VRTN: variants seen among roughly 807,000 people sequenced by gnomAD.
The protein encoded by VRTN is vertebrae development associated.
Under a neutral mutation model 18.2 loss-of-function variants are expected in VRTN, and 5 were observed. The observed-to-expected ratio is 0.27, with a 90% confidence interval of 0.14 to 0.58. The LOEUF is 0.58. Ranked by LOEUF, VRTN falls within the 20% of genes least tolerant of loss-of-function variation. The probability of loss-of-function intolerance (pLI) is 0.91; values close to 1 mark genes in which losing one functional copy is unlikely to be tolerated. For missense variants in VRTN, 741 were observed against 939.4 expected (o/e 0.79, Z 2.76); for synonymous variants, 381 against 393.7 (o/e 0.97, Z 0.38).
intron 1 of VRTN, among the ~76,000 whole-genome samples, chr14:74,328,173 A>G (rs1264169171): frequency 6.6e-6 from 1 of 152,128 alleles, no homozygotes; most frequent in Non-Finnish European, 1.5e-5. Context: ...GAGCCAATAT[A>G]TCAAAAGGTA....
At chr14:74,324,083 G>T (rs2085472242) in intron 1 of VRTN, among the ~76,000 whole-genome samples, 1 of 152,022 alleles carries the variant, frequency 6.6e-6, no homozygotes, top group African/African-American at 2.4e-5. Flanking sequence ...CACATGGTAA[G>T]TGCCCAGTAA....
At chr14:74,326,733 G>A (rs530776089) in intron 1 of VRTN, among the ~76,000 whole-genome samples, 5 of 152,120 alleles carry the variant, frequency 3.3e-5, no homozygotes, top group African/African-American at 1.2e-4. Flanking sequence ...AGCTGGAGCC[G>A]AGCTCCACAC....
Position 74,357,811 on chromosome 14 carries a change from C to T in VRTN, c.1028C>T (p.Ser343Phe), listed in dbSNP as rs1352681808. Residue 343 changes from serine to phenylalanine, a missense_variant, in exon 2 of 2, where the codon TCC becomes TTC. Physicochemically the swap from Ser to Phe is radical, Grantham distance 155. Coordinates refer to ENST00000256362, the MANE Select transcript of VRTN (RefSeq NM_018228.3). The surrounding 1 kb of genome is among the most constrained non-coding windows in gnomAD (Gnocchi z 7.8). Reference protein sequence around the residue: ...QQFLQRFPEISRSTYYAWKHE... With the variant: ...QQFLQRFPEIFRSTYYAWKHE... ...TTCCTCCAGCGGTTCCCGGAGATCT[C>T]CCGCTCAACCTACTATGCCTGGAAG... 6.2e-7 allele frequency: 1 copy of T among 1,613,290 alleles called. No individual in the cohort carries two copies.
intron 1 of VRTN, among the ~76,000 whole-genome samples, chr14:74,332,335 GTTTTTTTTTTTTTTTTTTTTTTTT>G (rs67857502): frequency 6.6e-4 from 26 of 39,588 alleles, no homozygotes; most frequent in East Asian, 8.3e-4. Context: ...CTCCTAATCT[GTTTTTTTTTTTTTTTTTTTTTTTT>G]TTTTTTTTTT....
At chr14:74,352,242 G>A (rs560014204) in intron 1 of VRTN, among the ~76,000 whole-genome samples, 21 of 151,702 alleles carry the variant, frequency 1.4e-4, no homozygotes, top group Admixed American at 7.9e-4. Flanking sequence ...TGCGGTGGGC[G>A]ATCTCGGCTC....
chr14:74,355,566 G>C (rs552304062), intron 1 of VRTN, among the ~76,000 whole-genome samples: 2 of 151,750 alleles, frequency 1.3e-5, no homozygotes, highest in Non-Finnish European at 2.9e-5. Flanking sequence ...ACAGAGTCTC[G>C]GTCTGTCACC....
rs1456240008 is a variant in VRTN, at chr14:74,358,391, G to A, written c.1608G>A (p.Leu536=). 2 of 1,613,966 alleles carry A rather than the reference G, an allele frequency of 1.2e-6. No individual in the cohort carries two copies. The highest frequency in any genetic ancestry group is 1.7e-6 in the Non-Finnish European group (2 of 1,180,048). ...FCRFRLRYPS[L]SPSAFWVWKS... The stretch of plus-strand genomic sequence containing the variant: ...GCTTCCGCCTCCGCTACCCCAGCCT[G>A]TCACCTTCTGCCTTTTGGGTCTGGA... Residue 536 remains leucine, a synonymous_variant, in exon 2 of 2, where the codon CTG becomes CTA. Coordinates refer to ENST00000256362, the MANE Select transcript of VRTN (RefSeq NM_018228.3). The surrounding 1 kb of genome is among the most constrained non-coding windows in gnomAD (Gnocchi z 5.4).
chr14:74,355,699 T>G (rs1013638984), intron 1 of VRTN, among the ~76,000 whole-genome samples: 8 of 152,004 alleles, frequency 5.3e-5, no homozygotes, highest in Non-Finnish European at 8.8e-5. Context: ...CATGCCTGGC[T>G]AACTTTTTTT....
chr14:74,354,203 T>G (rs2085707306), intron 1 of VRTN, among the ~76,000 whole-genome samples: 1 of 152,240 alleles, frequency 6.6e-6, no homozygotes, highest in African/African-American at 2.4e-5. Flanking sequence ...TTTGATATAT[T>G]GTTTTGGTGG....
At chr14:74,342,607 C>G (rs758425572) in intron 2 of VRTN, among the ~76,000 whole-genome samples, 1 of 150,058 alleles carries the variant, frequency 6.7e-6, no homozygotes, top group Non-Finnish European at 1.5e-5. Context: ...GGAAAATGGG[C>G]AAAGGATATT....
rs2085658593 is a variant in VRTN, at chr14:74,348,507, A to G, written c.-147A>G. ...GACGGTCCATGCTCAATGGTCCTCT[A>G]CAGATATGAAACTGGTTCTGGAGTG... is the stretch of plus-strand genomic sequence containing the variant. On this transcript the variant is annotated 5_prime_UTR_variant, in exon 1 of 2. Coordinates refer to ENST00000256362, the MANE Select transcript of VRTN (RefSeq NM_018228.3). 1 of 152,230 alleles carries G rather than the reference A, an allele frequency of 6.6e-6. No individual in the cohort carries two copies. Among genetic ancestry groups the G allele is most frequent in the African/African-American group, 2.4e-5 (1 of 41,458 alleles). 9.4% of individuals were successfully genotyped at this position (152,230 alleles called of 1,614,324 possible). A position where few individuals can be genotyped will look rare whatever the true frequency, so the allele number is the denominator to read the frequency against.
chr14:74,325,540 G>C (rs1391722297), intron 1 of VRTN, among the ~76,000 whole-genome samples: 1 of 152,136 alleles, frequency 6.6e-6, no homozygotes, highest in Non-Finnish European at 1.5e-5. Context: ...GGGCAAGGTG[G>C]CTCACGCCTG....
chr14:74,354,388 C>G (rs1438934578), intron 1 of VRTN, among the ~76,000 whole-genome samples: 1 of 149,920 alleles, frequency 6.7e-6, no homozygotes, highest in Non-Finnish European at 1.5e-5. Context: ...TTTTTGTACC[C>G]TGTTATATTA....
chr14:74,353,021 TGG>T (rs2085697022), intron 1 of VRTN, among the ~76,000 whole-genome samples: 1 of 152,182 alleles, frequency 6.6e-6, no homozygotes, highest in Non-Finnish European at 1.5e-5. Flanking sequence ...CCAGGCATGG[TGG>T]CTCACGCCTG....
At chr14:74,342,666 C>A (rs7147289) in intron 2 of VRTN, among the ~76,000 whole-genome samples, 55,246 of 151,416 alleles carry the variant, frequency 0.36, 11,314 homozygotes, top group Non-Finnish European at 0.46. Flanking sequence ...GAGACAGGGT[C>A]TCACTCTGTC....
chr14:74,356,781 A>G lies in VRTN; in HGVS notation c.-1-2A>G. 6.3e-7 allele frequency: 1 copy of G among 1,582,374 alleles called. No individual in the cohort carries two copies. The highest frequency in any genetic ancestry group is 1.1e-5 in the South Asian group (1 of 87,860). Reference sequence around the variant, plus strand: ...CTGCCCCTTTATCTTTTGCCCTGGCAGGATGACTTCTCGGAACCAGCTGGT... The same window carrying G: ...CTGCCCCTTTATCTTTTGCCCTGGCGGGATGACTTCTCGGAACCAGCTGGT... On this transcript the variant is annotated splice_acceptor_variant, in intron 1 of 1. Transcript: ENST00000256362. LOFTEE classifies it low-confidence loss of function (5UTR_SPLICE).
chr14:74,333,775 G>A (rs2085544744), intron 1 of VRTN, among the ~76,000 whole-genome samples: 1 of 151,718 alleles, frequency 6.6e-6, no homozygotes, highest in Non-Finnish European at 1.5e-5. Context: ...GGGAGGTGGA[G>A]GTTGCGGTGA....
rs375490606 is a variant in VRTN, at chr14:74,325,254, A to T, written c.-163-12469A>T. Among the ~76,000 whole-genome samples, 8 of 152,284 alleles carry T rather than the reference A, an allele frequency of 5.3e-5. No homozygotes were observed. In the South Asian group the frequency reaches 1.7e-3, roughly 32 times the overall value. On this transcript the variant is annotated intron_variant, in intron 1 of 2. Transcript: ENST00000557177. ...CATCTGTGGGAGGATGTTGTGGAAAATGAGAAACTAACGCAGATTTGGGAA... is the reference window on the plus strand; with the variant it reads ...CATCTGTGGGAGGATGTTGTGGAAATTGAGAAACTAACGCAGATTTGGGAA...
chr14:74,311,608 C>T (rs962952582), intron 1 of VRTN, among the ~76,000 whole-genome samples: 10 of 152,116 alleles, frequency 6.6e-5, no homozygotes, highest in Non-Finnish European at 1.3e-4. Context: ...CGGGGTTTCG[C>T]CATGTTGGCC....
Sources: gnomAD v4.1 joint callset for allele counts (sites outside exome capture counted in the v4.1 genomes callset) on GRCh38, gnomAD v4.1.1 for gene constraint, Gnocchi (gnomAD v3.1) non-coding constraint, MANE v1.5 for transcripts, NCBI Gene and HGNC (gene_info 2026-07-23, HGNC 2026-07-21) for gene names.